GDA: variants seen among roughly 807,000 people sequenced by gnomAD.
GDA encodes the protein cytoplasmic PSD-95 interactor.
GDA carries 18 observed loss-of-function variants against 59.6 expected under a neutral mutation model. The observed-to-expected ratio is 0.30, with a 90% CI of 0.21 to 0.45. The LOEUF (loss-of-function observed/expected upper bound fraction) is 0.45, where lower values mean the gene tolerates loss of function less well. GDA is among the 20% of genes least tolerant of loss of function. The pLI is 1.00. For synonymous variants in GDA, 201 were observed against 201.1 expected, an observed-to-expected ratio of 1.00 and a Z score of 0.00; for missense variants, 427 against 552.3, an observed-to-expected ratio of 0.77 and a Z score of 2.27.
At chr9:72,229,218 G>T (rs1838018958) in intron 9 of GDA, 1 of 165,462 alleles carries the variant, frequency 6.0e-6, no homozygotes, top group South Asian at 2.0e-4. Flanking sequence ...GGGCATGGTG[G>T]CGGGCGCCTG....
upstream of GDA, among the ~76,000 whole-genome samples, chr9:72,147,440 G>A (rs576402035): frequency 4.9e-4 from 75 of 152,286 alleles, 1 homozygote; most frequent in Non-Finnish European, 9.9e-4. Context: ...TCTCGACCTC[G>A]TGATCCACCC....
chr9:72,191,105 C>T lies in GDA; in HGVS notation c.124-4395C>T, dbSNP rs551638403. Among the ~76,000 whole-genome samples, 6 of 152,286 alleles carry T rather than the reference C, an allele frequency of 3.9e-5. No individual in the cohort carries two copies. In the East Asian group the frequency reaches 1.2e-3, roughly 29 times the overall value. ...TTACATATTAATCAATCAAAAATAT[C>T]TTTAATGATCTGTCAATTGATAAGC... On this transcript the variant is annotated intron_variant, in intron 1 of 13. Coordinates refer to ENST00000358399, the MANE Select transcript of GDA (RefSeq NM_004293.5).
intron 1 of GDA, among the ~76,000 whole-genome samples, chr9:72,182,674 T>G (rs1008861079): frequency 6.6e-6 from 1 of 152,244 alleles, no homozygotes; most frequent in Non-Finnish European, 1.5e-5. Flanking sequence ...CAACAAATTT[T>G]CACCCACTAG....
chr9:72,158,281 C>T (rs1828174755), intron 1 of GDA, among the ~76,000 whole-genome samples: 1 of 152,080 alleles, frequency 6.6e-6, no homozygotes, highest in Non-Finnish European at 1.5e-5. Context: ...ATAGCTGAAC[C>T]TCAGCATCCT....
intron 3 of GDA, among the ~76,000 whole-genome samples, chr9:72,209,966 C>T (rs904793776): frequency 6.6e-6 from 1 of 152,128 alleles, no homozygotes; most frequent in African/African-American, 2.4e-5. Context: ...CTTGTACCCT[C>T]TAAATACTAT....
rs1278280475 is a variant in GDA, at chr9:72,250,486, A to T, written c.*2144A>T. The T allele has an allele frequency of 6.0e-6, 8 of 1,344,482 alleles. No homozygotes were observed. The highest frequency in any genetic ancestry group is 5.1e-5 in the South Asian group (3 of 59,258). The allele number at this position is 1,344,482 out of a possible 1,614,324, so 83.3% of individuals were successfully genotyped here. A position where few individuals can be genotyped will look rare whatever the true frequency, so the allele number is the denominator to read the frequency against. On this transcript the variant is annotated 3_prime_UTR_variant, in exon 14 of 14. Coordinates refer to ENST00000358399, the MANE Select transcript of GDA (RefSeq NM_004293.5). ...GAATATCTTTCCTAGTAAAAATAGG[A>T]TGTGTTGAAATATTTATATGTACTT... is the stretch of plus-strand genomic sequence containing the variant.
chr9:72,176,679 A>ATGAAAT (rs1830572767), intron 1 of GDA, among the ~76,000 whole-genome samples: 1 of 152,194 alleles, frequency 6.6e-6, no homozygotes, highest in African/African-American at 2.4e-5. Context: ...TTTTCTGTTC[A>ATGAAAT]TGAAATTGAA....
chr9:72,178,704 C>T (rs938407187), intron 1 of GDA, among the ~76,000 whole-genome samples: 6 of 152,162 alleles, frequency 3.9e-5, no homozygotes, highest in African/African-American at 1.4e-4. Flanking sequence ...AGGCGTGAGC[C>T]ACCGTACCCA....
chr9:72,237,059 C>T (rs1839088742), intron 10 of GDA, among the ~76,000 whole-genome samples: 1 of 152,110 alleles, frequency 6.6e-6, no homozygotes, highest in Non-Finnish European at 1.5e-5. Context: ...GGATTGCAGG[C>T]ATAAGCCACC....
intron 1 of GDA, among the ~76,000 whole-genome samples, chr9:72,164,710 A>T (rs7048302): frequency 6.6e-6 from 1 of 151,322 alleles, no homozygotes. Flanking sequence ...TGGGCCGGGC[A>T]CAGTGGCTCA....
intron 10 of GDA, among the ~76,000 whole-genome samples, chr9:72,237,241 C>G (rs1323145068): frequency 6.6e-6 from 1 of 152,204 alleles, no homozygotes; most frequent in Non-Finnish European, 1.5e-5. Flanking sequence ...TTGCCCCACC[C>G]TCCGTGACAA....
At chr9:72,115,983 C>T (rs1182322492) in intron 1 of GDA, among the ~76,000 whole-genome samples, 2 of 152,154 alleles carry the variant, frequency 1.3e-5, no homozygotes, top group African/African-American at 4.8e-5. Context: ...CCTGTAATCC[C>T]AGCACTTTGG....
At chr9:72,149,337 A>G (rs1587344382), upstream of GDA, 3 of 543,610 alleles carry the variant, frequency 5.5e-6, no homozygotes, top group South Asian at 4.5e-5. Context: ...GGGAGCGCGG[A>G]GCCAACTCGC....
chr9:72,140,152 A>G (rs1319457842), intron 1 of GDA, among the ~76,000 whole-genome samples: 1 of 152,182 alleles, frequency 6.6e-6, no homozygotes, highest in East Asian at 1.9e-4. Context: ...CCCGGCTATA[A>G]TGCTTTTGTT....
At chr9:72,129,617 A>G (rs1481154884) in intron 1 of GDA, among the ~76,000 whole-genome samples, 3 of 152,226 alleles carry the variant, frequency 2.0e-5, no homozygotes, top group African/African-American at 7.2e-5. Flanking sequence ...CTTCAATCTT[A>G]TAGTTCCACA....
At chr9:72,173,274 G>A (rs1830179949) in intron 1 of GDA, among the ~76,000 whole-genome samples, 1 of 151,606 alleles carries the variant, frequency 6.6e-6, no homozygotes, top group Non-Finnish European at 1.5e-5. Context: ...CATGAATGCA[G>A]CATCTTGCGT....
At chr9:72,150,949 G>GCAA (rs1827132403) in intron 1 of GDA, among the ~76,000 whole-genome samples, 1 of 152,122 alleles carries the variant, frequency 6.6e-6, no homozygotes, top group African/African-American at 2.4e-5. Context: ...GTCCCAGGAA[G>GCAA]CAAAGGAACG....
chr9:72,128,803 G>A (rs1005848371), intron 1 of GDA, among the ~76,000 whole-genome samples: 16 of 151,962 alleles, frequency 1.1e-4, no homozygotes, highest in Admixed American at 4.6e-4. Context: ...AATGCAATAC[G>A]TGGTAATAAA....
chr9:72,144,515 C>A (rs1339336027), upstream of GDA, among the ~76,000 whole-genome samples: 2 of 152,108 alleles, frequency 1.3e-5, no homozygotes, highest in Non-Finnish European at 2.9e-5. Context: ...TACAGTCATA[C>A]CCACAGTGCT....
Sources: gnomAD v4.1 joint callset for allele counts (sites outside exome capture counted in the v4.1 genomes callset) on GRCh38, gnomAD v4.1.1 for gene constraint, MANE v1.5 for transcripts, NCBI Gene and HGNC (gene_info 2026-07-23, HGNC 2026-07-21) for gene names.